The following DOK6 variants were observed in gnomAD, a reference collection of about 807,000 sequenced individuals.
The protein encoded by DOK6 is docking protein 6, also known as downstream of tyrosine kinase 6.
A neutral mutation model predicts 44.0 loss-of-function variants in DOK6; 22 were observed. That is an observed-to-expected ratio of 0.50 (90% CI 0.36 to 0.71). The LOEUF is 0.71. Among genes scored for constraint, DOK6 ranks in the 30% least tolerant of loss-of-function variants. The probability of loss-of-function intolerance (pLI) is 0.00; values close to 1 mark genes in which losing one functional copy is unlikely to be tolerated. For missense variants in DOK6, 340 were observed against 416.4 expected (o/e 0.82, Z 1.60); for synonymous variants, 166 against 145.5 (o/e 1.14, Z -1.01).
At chr18:69,677,309 A>T (rs1985943954) in intron 3 of DOK6, among the ~76,000 whole-genome samples, 1 of 150,930 alleles carries the variant, frequency 6.6e-6, no homozygotes, top group Non-Finnish European at 1.5e-5. Context: ...AAATGTATTT[A>T]TTATGCAAAG....
intron 5 of DOK6, among the ~76,000 whole-genome samples, chr18:69,699,712 T>C (rs915126324): frequency 6.6e-6 from 1 of 152,206 alleles, no homozygotes; most frequent in Non-Finnish European, 1.5e-5. Flanking sequence ...AAAATGAATA[T>C]TTTTAAGATA....
rs561671633 is a variant in DOK6, at chr18:69,509,060, A to G, written c.67-55427A>G. On this transcript the variant is annotated intron_variant, in intron 1 of 7. Transcript: ENST00000382713. ...GTAGCTAATATTACATATTTTAACA[A>G]TCCTATTACATTTCCACCATTTACT... 4.6e-5 allele frequency among the ~76,000 whole-genome samples: 7 copies of G among 152,294 alleles called. No individual in the cohort carries two copies. The South Asian group carries it at 1.5e-3, about 32-fold the overall frequency.
intron 1 of DOK6, among the ~76,000 whole-genome samples, chr18:69,416,152 G>C (rs1484873949): frequency 7.2e-6 from 1 of 139,568 alleles, no homozygotes; most frequent in Admixed American, 7.3e-5. Flanking sequence ...GACGGAGGGA[G>C]GGAGGGAAGG....
intron 5 of DOK6, among the ~76,000 whole-genome samples, chr18:69,733,119 A>G (rs1456786494): frequency 6.6e-6 from 1 of 152,046 alleles, no homozygotes; most frequent in Non-Finnish European, 1.5e-5. Flanking sequence ...ACTTGAGCGC[A>G]GGAGTTCAAG....
chr18:69,832,366 GA>G (rs370728605), intron 7 of DOK6, among the ~76,000 whole-genome samples: 50 of 152,204 alleles, frequency 3.3e-4, no homozygotes, highest in African/African-American at 1.2e-3. Flanking sequence ...CTTGTATCCT[GA>G]GGATGAATCC....
In DOK6 at chr18:69,434,945, AGGG is replaced by A. The variant is rs1568256326; in HGVS notation, c.66+33636_66+33638del. 8.5e-5 allele frequency among the ~76,000 whole-genome samples: 8 copies of A among 94,438 alleles called. No homozygotes were observed. In the South Asian group the frequency reaches 2.2e-3, roughly 25 times the overall value. 62.0% of individuals were successfully genotyped at this position (94,438 alleles called of 152,430 possible). A position where few individuals can be genotyped will look rare whatever the true frequency, so the allele number is the denominator to read the frequency against. ...AAAGAAAAAAGGGAGGGAGGGAGGG[AGGG>A]AGGGAGGGAAGGAAGGAAGGAAGGA... On this transcript the variant is annotated intron_variant, in intron 1 of 7. Coordinates refer to ENST00000382713, the MANE Select transcript of DOK6 (RefSeq NM_152721.6).
intron 5 of DOK6, 85 bp downstream of exon 5, chr18:69,698,678 A>G: frequency 7.3e-7 from 1 of 1,365,478 alleles, no homozygotes; most frequent in South Asian, 1.6e-5. Context: ...AGTGCTGTCC[A>G]TCATTGCCCC....
intron 1 of DOK6, among the ~76,000 whole-genome samples, chr18:69,517,806 A>G (rs1480835275): frequency 6.6e-6 from 1 of 151,374 alleles, no homozygotes; most frequent in Non-Finnish European, 1.5e-5. Context: ...GGATGTGCGG[A>G]TATCAGTCAT....
intron 1 of DOK6, among the ~76,000 whole-genome samples, chr18:69,545,692 T>C (rs1271237988): frequency 6.6e-6 from 1 of 151,338 alleles, no homozygotes; most frequent in Non-Finnish European, 1.5e-5. Flanking sequence ...TTCATTTTGG[T>C]CTTTTCCACT....
At chr18:69,599,687 T>C (rs1983828740) in intron 3 of DOK6, among the ~76,000 whole-genome samples, 189 bp downstream of exon 3, 1 of 152,200 alleles carries the variant, frequency 6.6e-6, no homozygotes, top group Non-Finnish European at 1.5e-5. Flanking sequence ...TACATGTCTG[T>C]GTCTGGATTT....
chr18:69,790,473 A>T (rs1980561530), intron 7 of DOK6, among the ~76,000 whole-genome samples: 1 of 152,130 alleles, frequency 6.6e-6, no homozygotes, highest in Non-Finnish European at 1.5e-5. Flanking sequence ...CTAAATTATA[A>T]AGTCTAGAAT....
At chr18:69,597,931 T>G (rs949537875) in intron 2 of DOK6, among the ~76,000 whole-genome samples, 14 of 152,244 alleles carry the variant, frequency 9.2e-5, no homozygotes, top group Admixed American at 6.5e-4. Context: ...GATGATCAAC[T>G]GTAACTTTAA....
At chr18:69,629,916 A>G (rs1183804858) in intron 3 of DOK6, among the ~76,000 whole-genome samples, 1 of 151,998 alleles carries the variant, frequency 6.6e-6, no homozygotes, top group Non-Finnish European at 1.5e-5. Context: ...TCAGCCTCCC[A>G]TGTATCTGGG....
chr18:69,482,725 G>C (rs8084009), intron 1 of DOK6, among the ~76,000 whole-genome samples: 34,044 of 151,550 alleles, frequency 0.22, 4,167 homozygotes, highest in Middle Eastern at 0.27. Flanking sequence ...ATCTCTGCTA[G>C]CTAGGAGCTT....
rs144808759 is a variant in DOK6 at position 69,589,918 on chromosome 18, T to C, written c.175-9466T>C. ...GGTAGTAATGGTGGAACAGGTAAAA[T>C]CTTATTAACCTTTTTGAACTAAAAT... On this transcript the variant is annotated intron_variant, in intron 2 of 7. Transcript: ENST00000382713. Among the ~76,000 whole-genome samples the C allele has an allele frequency of 7.1e-4, 108 of 152,206 alleles. 1 individual carries two copies. The East Asian group carries it at 0.015, about 21-fold the overall frequency.
At chr18:69,549,139 C>G (rs1221108344) in intron 1 of DOK6, among the ~76,000 whole-genome samples, 1 of 150,544 alleles carries the variant, frequency 6.6e-6, no homozygotes, top group Non-Finnish European at 1.5e-5. Context: ...CTTAACGTGC[C>G]TTAAGTTAAG....
In DOK6 at chr18:69,647,143, C is replaced by CCCTATCCATCTAT. The variant is rs1390745609; in HGVS notation, c.290-30562_290-30550dup. ...TCTGTCTATCCTGTCTATCTATCTA[C>CCCTATCCATCTAT]CCTATCCATCTATCCTATCCATCTA... On this transcript the variant is annotated intron_variant, in intron 3 of 7. Coordinates refer to ENST00000382713, the MANE Select transcript of DOK6 (RefSeq NM_152721.6). Among the ~76,000 whole-genome samples, 65 of 131,804 alleles carry CCCTATCCATCTAT rather than the reference C, an allele frequency of 4.9e-4. No homozygotes were observed. In the East Asian group the frequency reaches 9.2e-3, roughly 19 times the overall value. The allele number at this position is 131,804 out of a possible 152,430, so 86.5% of individuals were successfully genotyped here.
At chr18:69,749,377 C>A (rs1215588514) in intron 6 of DOK6, among the ~76,000 whole-genome samples, 1 of 152,006 alleles carries the variant, frequency 6.6e-6, no homozygotes, top group Non-Finnish European at 1.5e-5. Flanking sequence ...TTGCAGCCAT[C>A]TTCAATCTTT....
intron 1 of DOK6, among the ~76,000 whole-genome samples, chr18:69,525,807 T>A (rs930358137): frequency 3.9e-5 from 6 of 152,174 alleles, no homozygotes; most frequent in African/African-American, 1.4e-4. Context: ...ACATCGAAAC[T>A]TTCACCTGCC....
Sources: allele counts gnomAD v4.1 joint callset (sites outside exome capture counted in the v4.1 genomes callset), GRCh38; gene constraint gnomAD v4.1.1; transcripts MANE v1.5; gene names NCBI Gene and HGNC (gene_info 2026-07-23, HGNC 2026-07-21).